PHF14: variants seen among roughly 807,000 people sequenced by gnomAD.
PHF14 encodes the protein PHD finger protein 14.
Under a neutral mutation model 117.9 loss-of-function variants are expected in PHF14, and 55 were observed. The ratio of observed to expected loss-of-function variants is 0.47; its 90% CI spans 0.38 to 0.58. PHF14 has a LOEUF of 0.58. PHF14 is among the 20% of genes least tolerant of loss of function. The pLI, the probability that PHF14 is intolerant of heterozygous loss-of-function variation, is 0.00. For missense variants in PHF14, 978 were observed against 1,122.2 expected (o/e 0.87, Z 1.84); for synonymous variants, 409 against 368.6 (o/e 1.11, Z -1.26).
intron 5 of PHF14, among the ~76,000 whole-genome samples, chr7:11,017,835 T>C (rs1042188997): frequency 1.8e-4 from 27 of 152,120 alleles, no homozygotes; most frequent in African/African-American, 5.8e-4. Context: ...CTCAAGAAAT[T>C]TTACCCAGAG....
intron 3 of PHF14, 95 bp from the exon 4 acceptor site, chr7:10,990,608 T>C: frequency 1.4e-6 from 1 of 698,726 alleles, no homozygotes; most frequent in East Asian, 2.8e-5. Context: ...TGGAAATGCA[T>C]ATAATAATGT....
At chr7:10,992,038 T>C (rs1489488389) in intron 4 of PHF14, among the ~76,000 whole-genome samples, 1 of 151,946 alleles carries the variant, frequency 6.6e-6, no homozygotes. Context: ...ATCAATTTTT[T>C]GTAGCTTCTT....
chr7:10,995,050 T>C (rs190888626), intron 4 of PHF14, among the ~76,000 whole-genome samples: 111 of 152,274 alleles, frequency 7.3e-4, no homozygotes, highest in Middle Eastern at 3.4e-3. Flanking sequence ...TTACAATCCC[T>C]GAGATAGACA....
At chr7:11,002,091 C>T (rs1007763092) in intron 4 of PHF14, among the ~76,000 whole-genome samples, 5 of 152,022 alleles carry the variant, frequency 3.3e-5, no homozygotes, top group Non-Finnish European at 5.9e-5. Context: ...GCTGCCCAGG[C>T]TGGAGTGCAG....
chr7:11,106,453 A>C (rs1169706995), intron 16 of PHF14: 1 of 949,094 alleles, frequency 1.1e-6, no homozygotes, highest in Non-Finnish European at 1.3e-6. Flanking sequence ...GGTAATTTGC[A>C]CTAAAATTGT....
chr7:11,104,029 C>T, intron 16 of PHF14: 1 of 984,924 alleles, frequency 1.0e-6, no homozygotes, highest in Non-Finnish European at 1.2e-6. Context: ...TGACAGATTG[C>T]CATTTTCTAA....
intron 16 of PHF14, among the ~76,000 whole-genome samples, chr7:11,080,745 A>G (rs1786067381): frequency 6.6e-6 from 1 of 152,214 alleles, no homozygotes; most frequent in Non-Finnish European, 1.5e-5. Flanking sequence ...TTCAACCAAA[A>G]ATGACTGAAG....
chr7:11,074,216 CTT>C (rs796725577), intron 16 of PHF14, among the ~76,000 whole-genome samples: 5 of 143,504 alleles, frequency 3.5e-5, no homozygotes, highest in Admixed American at 7.0e-5. Context: ...TTCTTTTTTT[CTT>C]TTTTTTTTTT....
intron 17 of PHF14, among the ~76,000 whole-genome samples, chr7:11,117,920 T>C (rs1348929426): frequency 6.6e-6 from 1 of 151,856 alleles, no homozygotes; most frequent in Non-Finnish European, 1.5e-5. Context: ...ACCTCTGGGA[T>C]TTTATCTGAC....
intron 3 of PHF14, 103 bp downstream of exon 3, chr7:10,983,262 A>G (rs1164289572): frequency 2.3e-6 from 3 of 1,329,224 alleles, no homozygotes; most frequent in African/African-American, 2.9e-5. Context: ...AATCCTATTT[A>G]TAGACGGCTG....
At chr7:11,063,595 ATT>A (rs917394197) in intron 16 of PHF14, 52 of 747,688 alleles carry the variant, frequency 7.0e-5, no homozygotes, top group South Asian at 1.2e-4. Context: ...TGTCTTACTA[ATT>A]TTTTTTTTTT....
At chr7:11,092,697 CTTT>C (rs912756053) in intron 16 of PHF14, among the ~76,000 whole-genome samples, 5 of 150,326 alleles carry the variant, frequency 3.3e-5, no homozygotes, top group African/African-American at 1.2e-4. Context: ...TTTGAAGTCT[CTTT>C]TTTTTTTGTT....
intron 2 of PHF14, among the ~76,000 whole-genome samples, chr7:10,979,939 C>G (rs1583323228): frequency 6.6e-6 from 1 of 151,904 alleles, no homozygotes; most frequent in African/African-American, 2.4e-5. Flanking sequence ...GTCCATTCTT[C>G]TAATAATAGT....
chr7:10,979,767 T>C (rs1159098248), intron 2 of PHF14, among the ~76,000 whole-genome samples: 1 of 152,086 alleles, frequency 6.6e-6, no homozygotes. Flanking sequence ...AGAAGTTATT[T>C]TTCAGATATC....
intron 17 of PHF14, among the ~76,000 whole-genome samples, chr7:11,115,344 T>G (rs1787564572): frequency 6.6e-6 from 1 of 152,052 alleles, no homozygotes; most frequent in African/African-American, 2.4e-5. Flanking sequence ...CCACAGTAGA[T>G]ATACAAAATG....
intron 6 of PHF14, among the ~76,000 whole-genome samples, chr7:11,025,794 C>CA (rs200869700): frequency 0.012 from 1,765 of 146,884 alleles, 38 homozygotes; most frequent in African/African-American, 0.042. Context: ...GACTCCGTCT[C>CA]AAAAAAAAAG....
intron 4 of PHF14, among the ~76,000 whole-genome samples, chr7:11,004,740 A>G (rs1005532037): frequency 6.6e-6 from 1 of 151,856 alleles, no homozygotes; most frequent in East Asian, 1.9e-4. Context: ...ATCACATCAA[A>G]AGACGTATAA....
intron 17 of PHF14, among the ~76,000 whole-genome samples, chr7:11,151,813 G>C (rs1189939150): frequency 6.6e-6 from 1 of 152,054 alleles, no homozygotes; most frequent in African/African-American, 2.4e-5. Context: ...AGCTGTTAAA[G>C]TATTGAGAAA....
chr7:11,036,142 G>A (rs1468539994), intron 8 of PHF14, among the ~76,000 whole-genome samples: 1 of 152,060 alleles, frequency 6.6e-6, no homozygotes, highest in African/African-American at 2.4e-5. Context: ...AACCTATGGA[G>A]ACAATAGCAG....
Sources: gnomAD v4.1 joint callset for allele counts (sites outside exome capture counted in the v4.1 genomes callset) on GRCh38, gnomAD v4.1.1 for gene constraint, MANE v1.5 for transcripts, NCBI Gene and HGNC (gene_info 2026-07-23, HGNC 2026-07-21) for gene names.